Variants in ASTN2 observed in about 807,000 individuals in gnomAD.
ASTN2 encodes astrotactin-2.
Under a neutral mutation model 139.8 loss-of-function variants are expected in ASTN2, and 54 were observed. The observed-to-expected ratio is 0.39, with a 90% CI of 0.31 to 0.48. ASTN2 has a LOEUF of 0.48. ASTN2 is among the 20% of genes least tolerant of loss of function. The pLI, the probability that ASTN2 is intolerant of heterozygous loss-of-function variation, is 0.95. For synonymous variants in ASTN2, 756 were observed against 719.5 expected (o/e 1.05, Z -0.81); for missense variants, 1,565 against 1,725.1 (o/e 0.91, Z 1.64).
At chr9:116,840,876 C>T (rs1013360343) in intron 11 of ASTN2, among the ~76,000 whole-genome samples, 3 of 151,398 alleles carry the variant, frequency 2.0e-5, no homozygotes, top group African/African-American at 7.3e-5. Context: ...CGGGTAGAGA[C>T]GCTCCTCACT....
Position 116,821,275 on chromosome 9 carries a change from C to T in ASTN2, c.2041-492G>A, listed in dbSNP as rs114101765. Reference sequence around the variant, plus strand: ...ACTGTGTGACCCGAGAAGTTACTTGCCGTCTCTGAGCCTCAATGTTCTCAT... The same window carrying T: ...ACTGTGTGACCCGAGAAGTTACTTGTCGTCTCTGAGCCTCAATGTTCTCAT... On this transcript the variant is annotated intron_variant, in intron 11 of 22. Coordinates refer to ENST00000313400, the MANE Select transcript of ASTN2 (RefSeq NM_001365068.1). 2.6e-5 allele frequency among the ~76,000 whole-genome samples: 4 copies of T among 152,272 alleles called. No homozygotes were observed. The South Asian group carries it at 8.3e-4, about 32-fold the overall frequency.
chr9:116,652,357 T>C (rs140786818), intron 16 of ASTN2, among the ~76,000 whole-genome samples: 1 of 152,080 alleles, frequency 6.6e-6, no homozygotes. Context: ...AATAAATTAA[T>C]TAATTAAATA....
At position 116,729,077 on chromosome 9, in the gene ASTN2, C is replaced by G. The variant is rs758566491; in HGVS notation, c.2541G>C (p.Glu847Asp). ...QLLTGDIRYD[E>D]AMGYPMVQQW... ...GCTGCACCATGGGGTAACCCATGGC[C>G]TCATCATACCTGATATCTCCTGGGA... The change falls in exon 15 of 23, where the codon GAG becomes GAC. Residue 847 changes from glutamate to aspartate, a missense_variant. Transcript: ENST00000313400. 4 of 1,591,182 alleles carry G rather than the reference C, an allele frequency of 2.5e-6. No individual in the cohort carries two copies. The highest frequency in any genetic ancestry group is 2.3e-5 in the East Asian group (1 of 44,080).
intron 19 of ASTN2, among the ~76,000 whole-genome samples, chr9:116,586,812 T>TCACACACACACACACA (rs141414264): frequency 0.073 from 5,778 of 79,196 alleles, 159 homozygotes; most frequent in East Asian, 0.093. Flanking sequence ...CAGTTGAAAT[T>TCACACACACACACACA]CACACACACA....
intron 20 of ASTN2, among the ~76,000 whole-genome samples, chr9:116,473,070 T>A (rs993736878): frequency 2.0e-5 from 3 of 152,134 alleles, no homozygotes; most frequent in South Asian, 2.1e-4. Context: ...ATTATTAAGG[T>A]TCAAAGAGTT....
chr9:116,996,540 T>C (rs1837021482), intron 7 of ASTN2, among the ~76,000 whole-genome samples: 1 of 152,058 alleles, frequency 6.6e-6, no homozygotes, highest in Admixed American at 6.6e-5. Context: ...AGTGACATTT[T>C]AAGTTGAAAC....
intron 5 of ASTN2, 86 bp from the exon 6 acceptor site, chr9:117,040,051 TC>T: frequency 7.2e-7 from 1 of 1,389,934 alleles, no homozygotes. Context: ...TCTATTATTT[TC>T]CAGTTGGGAA....
At chr9:116,580,353 C>A (rs1031301043) in intron 19 of ASTN2, among the ~76,000 whole-genome samples, 3 of 152,316 alleles carry the variant, frequency 2.0e-5, no homozygotes, top group Admixed American at 6.5e-5. Flanking sequence ...AAGGTGACAG[C>A]TCTGCCCCCT....
chr9:116,755,830 G>A (rs954200563), intron 13 of ASTN2, among the ~76,000 whole-genome samples: 1 of 152,180 alleles, frequency 6.6e-6, no homozygotes, highest in Non-Finnish European at 1.5e-5. Flanking sequence ...ATCTGAGTAC[G>A]GAAGAGGCAG....
chr9:117,277,963 A>G (rs926236450), intron 2 of ASTN2, among the ~76,000 whole-genome samples: 4 of 152,244 alleles, frequency 2.6e-5, no homozygotes, highest in Admixed American at 6.5e-5. Context: ...CATAGACACA[A>G]AAAAATTTTC....
chr9:117,082,502 G>A (rs1048596414), intron 5 of ASTN2, among the ~76,000 whole-genome samples: 1 of 152,152 alleles, frequency 6.6e-6, no homozygotes. Flanking sequence ...TGTAGAAAGT[G>A]TGATCTTCCT....
At chr9:117,200,085 TTTA>T (rs1831653502) in intron 3 of ASTN2, among the ~76,000 whole-genome samples, 1 of 150,948 alleles carries the variant, frequency 6.6e-6, no homozygotes, top group Admixed American at 6.6e-5. Context: ...TTTTTTAAAT[TTTA>T]TTATTATTAT....
At chr9:117,213,164 A>G (rs1391678707) in intron 3 of ASTN2, among the ~76,000 whole-genome samples, 1 of 152,230 alleles carries the variant, frequency 6.6e-6, no homozygotes, top group Non-Finnish European at 1.5e-5. Context: ...CATTATATTA[A>G]GCAAAATAAG....
intron 10 of ASTN2, among the ~76,000 whole-genome samples, chr9:116,972,643 C>T (rs546617141): frequency 1.6e-4 from 25 of 152,280 alleles, no homozygotes; most frequent in African/African-American, 6.0e-4. Flanking sequence ...CATATCCTTC[C>T]TAACATTTGT....
chr9:116,540,995 C>T (rs1395316015), intron 19 of ASTN2, among the ~76,000 whole-genome samples: 1 of 151,070 alleles, frequency 6.6e-6, no homozygotes, highest in South Asian at 2.1e-4. Flanking sequence ...AGTTTGAATG[C>T]CACATCTAAT....
intron 13 of ASTN2, among the ~76,000 whole-genome samples, chr9:116,736,392 G>A (rs1353034387): frequency 6.6e-6 from 1 of 152,130 alleles, no homozygotes; most frequent in East Asian, 1.9e-4. Flanking sequence ...TGTCTAACAG[G>A]TCATGGTAGA....
At chr9:116,618,497 C>A (rs1005734825) in intron 18 of ASTN2, 25 bp from the exon 19 acceptor site, 1 of 1,587,344 alleles carries the variant, frequency 6.3e-7, no homozygotes, top group Admixed American at 1.8e-5. Context: ...AAGGAAGATT[C>A]GTGTTTGGCA....
chr9:116,962,584 CA>C (rs755351935), intron 10 of ASTN2, among the ~76,000 whole-genome samples: 36 of 152,262 alleles, frequency 2.4e-4, no homozygotes, highest in Middle Eastern at 3.4e-3. Flanking sequence ...AGATTTATGA[CA>C]TTTGTTCACA....
chr9:117,414,659 T>C lies in ASTN2; in HGVS notation c.280A>G (p.Thr94Ala), dbSNP rs1031535611. The stretch of plus-strand genomic sequence containing the variant: ...GCGGCGGCGGCGGCTCCGGCCCCGG[T>C]CCCAGCCCCGGCCCCGGCGCGGGCG... ...SGARAGAGAG[T>A]GAGAAAAAAS... Residue 94 changes from threonine to alanine, a missense_variant, in exon 1 of 23, where the codon ACC becomes GCC. Coordinates refer to ENST00000313400, the MANE Select transcript of ASTN2 (RefSeq NM_001365068.1). The surrounding 1 kb of genome is among the most constrained non-coding windows in gnomAD (Gnocchi z 4.2). 4 of 1,297,224 alleles carry C rather than the reference T, an allele frequency of 3.1e-6. No individual in the cohort carries two copies. The highest frequency in any genetic ancestry group is 2.4e-5 in the South Asian group (1 of 42,442). The allele number at this position is 1,297,224 out of a possible 1,614,324, so 80.4% of individuals were successfully genotyped here.
Sources: gnomAD v4.1 joint callset for allele counts (sites outside exome capture counted in the v4.1 genomes callset) on GRCh38, gnomAD v4.1.1 for gene constraint, Gnocchi (gnomAD v3.1) non-coding constraint, MANE v1.5 for transcripts, NCBI Gene and HGNC (gene_info 2026-07-23, HGNC 2026-07-21) for gene names.